The following EHD2 variants were observed in gnomAD, a reference collection of about 807,000 sequenced individuals.
The protein encoded by EHD2 is EH domain-containing protein 2.
In EHD2, 27 loss-of-function variants were observed where a neutral mutation model predicts 41.0. That is an observed-to-expected ratio of 0.66 (90% CI 0.49 to 0.91). The LOEUF (loss-of-function observed/expected upper bound fraction) is 0.91, where lower values mean the gene tolerates loss of function less well. EHD2 is among the 40% of genes least tolerant of loss of function. EHD2 has a pLI of 0.00. For synonymous variants in EHD2, 342 were observed against 341.0 expected (o/e 1.00, Z -0.03); for missense variants, 673 against 773.9 (o/e 0.87, Z 1.55).
At chr19:47,715,855 C>T (rs1009690093) in intron 1 of EHD2, among the ~76,000 whole-genome samples, 11 of 152,050 alleles carry the variant, frequency 7.2e-5, no homozygotes, top group Non-Finnish European at 1.2e-4. Context: ...GCAACCTCTG[C>T]CTCCTGGGTT....
rs373126567 is a variant in EHD2, at chr19:47,740,965, G to A, written c.1165G>A (p.Asp389Asn). The part of the protein sequence containing the change: ...LEALDEMLTH[D>N]IAKLMPLLRQ... Reference sequence around the variant, plus strand: ...GGCACTGGACGAGATGCTGACGCACGACATCGCCAAGCTCATGCCCCTGCT... The same window carrying A: ...GGCACTGGACGAGATGCTGACGCACAACATCGCCAAGCTCATGCCCCTGCT... Residue 389 changes from aspartate to asparagine, a missense_variant, in exon 6 of 6, where the codon GAC becomes AAC. Transcript: ENST00000263277. The A allele has an allele frequency of 2.5e-6, 4 of 1,612,308 alleles. No homozygotes were observed. Among genetic ancestry groups the A allele is most frequent in the African/African-American group, 1.3e-5 (1 of 74,922 alleles).
rs563202854 is a variant in EHD2, at chr19:47,741,085, G to A, written c.1285G>A (p.Glu429Lys). ...CCCGTTTGTGGAGCGGGGACCTGACGAGGCCATGGAGGACGGCGAGGAGGG... is the reference window on the plus strand; with the variant it reads ...CCCGTTTGTGGAGCGGGGACCTGACAAGGCCATGGAGGACGGCGAGGAGGG... ...MGPFVERGPD[E>K]AMEDGEEGSD... The change falls in exon 6 of 6, where the codon GAG becomes AAG. Residue 429 changes from glutamate to lysine, a missense_variant. Transcript: ENST00000263277. This position sits in a 1 kb window ranked among gnomAD's most constrained non-coding sequence, Gnocchi z 4.5. The A allele has an allele frequency of 2.5e-6, 4 of 1,609,738 alleles. No individual in the cohort carries two copies. Among genetic ancestry groups the A allele is most frequent in the African/African-American group, 2.7e-5 (2 of 75,046 alleles).
Position 47,718,604 on chromosome 19 carries a change from G to T in EHD2, c.500G>T (p.Arg167Leu). 1.9e-6 allele frequency: 3 copies of T among 1,560,610 alleles called. No individual in the cohort carries two copies. Among genetic ancestry groups the T allele is most frequent in the African/African-American group, 1.4e-5 (1 of 73,572 alleles). ...ILSGAKQRVS[R>L]GYDFPAVLRW... ...TCGGGTGCCAAGCAGAGAGTGAGCCGCGGTGAGTGGGGCCAGACCCTGGGG... is the reference window on the plus strand; with the variant it reads ...TCGGGTGCCAAGCAGAGAGTGAGCCTCGGTGAGTGGGGCCAGACCCTGGGG... Residue 167 changes from arginine (R) to leucine (L), a missense_variant and splice_region_variant, in exon 3 of 6, where the codon CGC (arginine) becomes CTC (leucine). Transcript: ENST00000263277.
intron 4 of EHD2, among the ~76,000 whole-genome samples, chr19:47,733,866 A>G (rs1417335634): frequency 6.6e-6 from 1 of 152,012 alleles, no homozygotes; most frequent in East Asian, 1.9e-4. Context: ...TGACCACAGG[A>G]ACCCCCGAAA....
At chr19:47,718,018 A>G (rs1274400303) in intron 2 of EHD2, among the ~76,000 whole-genome samples, 1 of 151,198 alleles carries the variant, frequency 6.6e-6, no homozygotes, top group Non-Finnish European at 1.5e-5. Flanking sequence ...CACGCCTGTA[A>G]TCCCAGCACT....
chr19:47,723,100 G>T (rs1973714253), intron 3 of EHD2, among the ~76,000 whole-genome samples: 1 of 152,188 alleles, frequency 6.6e-6, no homozygotes. Flanking sequence ...TGGGGGTTGG[G>T]TCAGGCACTG....
At position 47,724,168 on chromosome 19, in the gene EHD2, T is replaced by C. The variant is rs1973726308; in HGVS notation, c.503-1644T>C. Among the ~76,000 whole-genome samples, 3 of 151,326 alleles carry C rather than the reference T, an allele frequency of 2.0e-5. No homozygotes were observed. In the Admixed American group the frequency reaches 2.0e-4, roughly 10 times the overall value. ...ATCTCGGCTCACTGCAACCTCTGCC[T>C]CCCAGGCTCAAGCGATTCTCGTGCC... On this transcript the variant is annotated intron_variant, in intron 3 of 5. Transcript: ENST00000263277.
intron 5 of EHD2, among the ~76,000 whole-genome samples, chr19:47,738,927 C>A (rs1321278464): frequency 1.3e-5 from 2 of 152,196 alleles, no homozygotes; most frequent in Non-Finnish European, 2.9e-5. Flanking sequence ...CACCCCTACA[C>A]CCCAAAGTGA....
Position 47,742,160 on chromosome 19 carries a change from C to T in EHD2, c.*728C>T, listed in dbSNP as rs541439320. ...CCTTCCTTCTTTTCTTTCCTTCCTT[C>T]CTTCTTTTTTGTTTTTGCCCCCAAT... On this transcript the variant is annotated 3_prime_UTR_variant, in exon 6 of 6. Coordinates refer to ENST00000263277, the MANE Select transcript of EHD2 (RefSeq NM_014601.4). The T allele has an allele frequency of 3.0e-6, 1 of 338,158 alleles. No homozygotes were observed. The allele number at this position is 338,158 out of a possible 1,614,324, so 20.9% of individuals were successfully genotyped here. A position where few individuals can be genotyped will look rare whatever the true frequency, so the allele number is the denominator to read the frequency against.
At chr19:47,730,716 C>T (rs1429937536) in intron 4 of EHD2, among the ~76,000 whole-genome samples, 1 of 152,046 alleles carries the variant, frequency 6.6e-6, no homozygotes, top group Non-Finnish European at 1.5e-5. Context: ...GAAGTGATAG[C>T]TGTTAGAAGG....
chr19:47,727,807 A>G (rs1973767367), intron 4 of EHD2, among the ~76,000 whole-genome samples: 1 of 151,868 alleles, frequency 6.6e-6, no homozygotes, highest in Non-Finnish European at 1.5e-5. Flanking sequence ...TAAAATAACA[A>G]TGAAGGCTGG....
At chr19:47,715,279 G>T (rs1224254821) in intron 1 of EHD2, among the ~76,000 whole-genome samples, 1 of 151,830 alleles carries the variant, frequency 6.6e-6, no homozygotes, top group African/African-American at 2.4e-5. Context: ...CCTCCTCTTT[G>T]TGCCCCTGTG....
In EHD2 at chr19:47,719,773, C is replaced by T. The variant is rs1973675276; in HGVS notation, c.502+1167C>T. Reference sequence around the variant, plus strand: ...GGGGAGGAATTCCTGGGGCTCCCACCCCAGGGCCTGGACCTGGGACAGCGG... The same window carrying T: ...GGGGAGGAATTCCTGGGGCTCCCACTCCAGGGCCTGGACCTGGGACAGCGG... On this transcript the variant is annotated intron_variant, in intron 3 of 5. Coordinates refer to ENST00000263277, the MANE Select transcript of EHD2 (RefSeq NM_014601.4). This position sits in a 1 kb window ranked among gnomAD's most constrained non-coding sequence, Gnocchi z 4.1. 6.6e-6 allele frequency among the ~76,000 whole-genome samples: 1 copy of T among 151,956 alleles called. No individual in the cohort carries two copies. The highest frequency in any genetic ancestry group is 2.1e-4 in the South Asian group (1 of 4,816).
chr19:47,731,723 G>A (rs1966879089), intron 4 of EHD2, among the ~76,000 whole-genome samples: 7 of 151,484 alleles, frequency 4.6e-5, no homozygotes, highest in Admixed American at 4.6e-4. Context: ...CAGCTCCCAG[G>A]GCCTCTTTTC....
intron 4 of EHD2, among the ~76,000 whole-genome samples, chr19:47,726,641 CCCTTCCTCCTT>C (rs969780532): frequency 6.6e-6 from 1 of 151,664 alleles, no homozygotes; most frequent in Non-Finnish European, 1.5e-5. Flanking sequence ...CCTCCCTCCT[CCCTTCCTCCTT>C]CCTTACATCC....
rs778318768 is a variant in EHD2, at chr19:47,741,382, C to T, written c.1582C>T (p.Arg528Cys). ...EGHGLPANLP[R>C]RLVPPSKRRH... ...CCACGGGCTGCCCGCCAACCTGCCC[C>T]GTCGCCTGGTGCCACCCTCCAAGCG... The change falls in exon 6 of 6, where the codon CGT becomes TGT. Residue 528 changes from arginine (R) to cysteine (C), a missense_variant. Transcript: ENST00000263277. The surrounding 1 kb of genome is among the most constrained non-coding windows in gnomAD (Gnocchi z 4.5). 8 of 1,602,064 alleles carry T rather than the reference C, an allele frequency of 5.0e-6. No homozygotes were observed. In the East Asian group the frequency reaches 9.0e-5, roughly 18 times the overall value.
At chr19:47,714,688 A>T (rs6509334) in intron 1 of EHD2, among the ~76,000 whole-genome samples, 4 of 151,846 alleles carry the variant, frequency 2.6e-5, no homozygotes, top group Admixed American at 1.3e-4. Flanking sequence ...TTTCCAGCTA[A>T]GTGATCTTGG....
At chr19:47,731,026 C>T (rs567415155) in intron 4 of EHD2, among the ~76,000 whole-genome samples, 5 of 151,260 alleles carry the variant, frequency 3.3e-5, no homozygotes, top group South Asian at 4.2e-4. Context: ...TATTTTAGAG[C>T]GCTCTGAAGG....
intron 3 of EHD2, among the ~76,000 whole-genome samples, chr19:47,725,567 C>T (rs1314841467): frequency 1.3e-5 from 2 of 152,144 alleles, no homozygotes; most frequent in African/African-American, 4.8e-5. Flanking sequence ...ATGATTGCCC[C>T]CTGTAGCCAG....
Sources: allele counts gnomAD v4.1 joint callset (sites outside exome capture counted in the v4.1 genomes callset), GRCh38; gene constraint gnomAD v4.1.1; non-coding constraint Gnocchi (gnomAD v3.1); transcripts MANE v1.5; gene names NCBI Gene and HGNC (gene_info 2026-07-23, HGNC 2026-07-21).